EXOC4: variants seen among roughly 807,000 people sequenced by gnomAD.
The protein encoded by EXOC4 is SEC8-like 1.
EXOC4 carries 71 observed loss-of-function variants against 107.2 expected under a neutral mutation model. The ratio of observed to expected loss-of-function variants is 0.66; its 90% CI spans 0.55 to 0.81. The LOEUF (loss-of-function observed/expected upper bound fraction) is 0.81. EXOC4 is among the 30% of genes least tolerant of loss of function. The pLI, the probability that EXOC4 is intolerant of heterozygous loss-of-function variation, is 0.00. For synonymous variants in EXOC4, 456 were observed against 441.2 expected (o/e 1.03, Z -0.42); for missense variants, 1,108 against 1,189.6 (o/e 0.93, Z 1.01).
chr7:133,522,711 G>T (rs6964526), intron 9 of EXOC4, among the ~76,000 whole-genome samples: 4 of 152,208 alleles, frequency 2.6e-5, no homozygotes, highest in East Asian at 1.9e-4. Flanking sequence ...ATTCTTTGTT[G>T]GAAGAGAGGG....
rs112782311 is a variant in EXOC4 at position 133,524,021 on chromosome 7, C to T, written c.1417+43883C>T. On this transcript the variant is annotated intron_variant, in intron 9 of 17. Coordinates refer to ENST00000253861, the MANE Select transcript of EXOC4 (RefSeq NM_021807.4). Reference sequence around the variant, plus strand: ...CTAGATCCCTGAGGAATCGCCACACCGACTTCCACAATGGTTGAACTAGTT... The same window carrying T: ...CTAGATCCCTGAGGAATCGCCACACTGACTTCCACAATGGTTGAACTAGTT... 2.5e-3 allele frequency among the ~76,000 whole-genome samples: 359 copies of T among 146,220 alleles called. 1 individual carries two copies. The highest frequency in any genetic ancestry group is 0.017 in the Middle Eastern group (5 of 290).
Position 133,356,528 on chromosome 7 carries a change from G to A in EXOC4, c.962G>A (p.Ser321Asn). The part of the protein sequence containing the change: ...VKRSTTQVAD[S>N]GYQRGENVTV... ...AGGTCTACAACCCAGGTGGCAGACA[G>A]TGGCTATCAGCGGGGGGAGAACGTT... Residue 321 changes from serine (S) to asparagine (N), a missense_variant, in exon 6 of 18, where the codon AGT becomes AAT. Transcript: ENST00000253861. 1 of 1,614,128 alleles carries A rather than the reference G, an allele frequency of 6.2e-7. No individual in the cohort carries two copies. Among genetic ancestry groups the A allele is most frequent in the East Asian group, 2.2e-5 (1 of 44,876 alleles).
intron 11 of EXOC4, among the ~76,000 whole-genome samples, chr7:133,866,288 C>G (rs1436163419): frequency 1.3e-5 from 2 of 152,180 alleles, no homozygotes; most frequent in Non-Finnish European, 2.9e-5. Flanking sequence ...TCTGTCCCTA[C>G]TACACACTGC....
intron 10 of EXOC4, among the ~76,000 whole-genome samples, chr7:133,669,904 T>G (rs1793908986): frequency 6.6e-6 from 1 of 152,200 alleles, no homozygotes; most frequent in South Asian, 2.1e-4. Context: ...TTTCCACAGT[T>G]ATTTTCTTTA....
intron 10 of EXOC4, among the ~76,000 whole-genome samples, chr7:133,789,674 A>G (rs1044173625): frequency 2.0e-5 from 3 of 152,190 alleles, no homozygotes; most frequent in African/African-American, 7.2e-5. Context: ...TGTTATAATA[A>G]TTGCAGGTTT....
In EXOC4 at chr7:133,397,077, T is replaced by C. The variant is rs554277311; in HGVS notation, c.1182+22075T>C. 2.2e-4 allele frequency among the ~76,000 whole-genome samples: 34 copies of C among 152,250 alleles called. 1 individual carries two copies. In the South Asian group the frequency reaches 7.1e-3, roughly 32 times the overall value. ...GTCCAGACAAAGCCCATCTAGTCATTGTATCTAGGCCTGTCGATATCCTCT... is the reference window on the plus strand; with the variant it reads ...GTCCAGACAAAGCCCATCTAGTCATCGTATCTAGGCCTGTCGATATCCTCT... On this transcript the variant is annotated intron_variant, in intron 7 of 17. Transcript: ENST00000253861.
intron 11 of EXOC4, among the ~76,000 whole-genome samples, chr7:133,834,530 G>A (rs1585185623): frequency 6.6e-6 from 1 of 152,236 alleles, no homozygotes; most frequent in Non-Finnish European, 1.5e-5. Flanking sequence ...TGGCCAAGGA[G>A]GCACCCCTCT....
rs34400471 is a variant in EXOC4 at position 133,961,280 on chromosome 7, C to CTTTTTTT, written c.2206+23229_2206+23235dup. On this transcript the variant is annotated intron_variant, in intron 14 of 17. Coordinates refer to ENST00000253861, the MANE Select transcript of EXOC4 (RefSeq NM_021807.4). ...TTAAACCAATGAGACTCATGTCAAA[C>CTTTTTTT]TTTTTTTTTTTTTTTTTTTTTTTTG... is the stretch of plus-strand genomic sequence containing the variant. 3.5e-3 allele frequency among the ~76,000 whole-genome samples: 267 copies of CTTTTTTT among 77,012 alleles called. 21 individuals are homozygous for CTTTTTTT. Among genetic ancestry groups the CTTTTTTT allele is most frequent in the African/African-American group, 3.9e-3 (72 of 18,348 alleles). 50.5% of individuals were successfully genotyped at this position (77,012 alleles called of 152,430 possible).
At chr7:133,984,822 T>G (rs1398193600) in intron 14 of EXOC4, among the ~76,000 whole-genome samples, 1 of 152,128 alleles carries the variant, frequency 6.6e-6, no homozygotes, top group East Asian at 1.9e-4. Flanking sequence ...TCACAACAAC[T>G]CCCTAAGTTG....
At chr7:133,809,456 C>T (rs1797162543) in intron 10 of EXOC4, among the ~76,000 whole-genome samples, 1 of 152,130 alleles carries the variant, frequency 6.6e-6, no homozygotes, top group Non-Finnish European at 1.5e-5. Context: ...TGAAAGAGTT[C>T]AGATTCATTT....
At chr7:133,732,600 C>T (rs953370145) in intron 10 of EXOC4, 1 of 153,610 alleles carries the variant, frequency 6.5e-6, no homozygotes, top group African/African-American at 2.4e-5. Flanking sequence ...CCATGAAGCC[C>T]CATGCCCTTT....
intron 10 of EXOC4, among the ~76,000 whole-genome samples, chr7:133,810,016 T>C (rs2151205547): frequency 6.6e-6 from 1 of 152,358 alleles, no homozygotes; most frequent in East Asian, 1.9e-4. Flanking sequence ...CAATACTGTG[T>C]TCTTCTTTAT....
At chr7:133,809,732 A>C (rs1029443015) in intron 10 of EXOC4, among the ~76,000 whole-genome samples, 1 of 152,246 alleles carries the variant, frequency 6.6e-6, no homozygotes, top group African/African-American at 2.4e-5. Context: ...AATGATATAC[A>C]GCAAAGTCAG....
intron 4 of EXOC4, among the ~76,000 whole-genome samples, chr7:133,313,781 G>A (rs1794928780): frequency 1.3e-5 from 2 of 152,160 alleles, no homozygotes; most frequent in South Asian, 2.1e-4. Context: ...GGTTACAGTG[G>A]CAGTGGTTGT....
intron 14 of EXOC4, among the ~76,000 whole-genome samples, chr7:133,974,224 G>A (rs1273146235): frequency 6.6e-6 from 1 of 152,160 alleles, no homozygotes; most frequent in East Asian, 1.9e-4. Context: ...CAGGAAACGG[G>A]CATCAAAAGT....
At chr7:133,988,656 T>G (rs1794175832) in intron 14 of EXOC4, among the ~76,000 whole-genome samples, 1 of 152,148 alleles carries the variant, frequency 6.6e-6, no homozygotes, top group Non-Finnish European at 1.5e-5. Context: ...AAAGACTTTC[T>G]GAGCCAGAGA....
At position 133,324,901 on chromosome 7, in the gene EXOC4, G is replaced by A. The variant is rs556114979; in HGVS notation, c.763+7511G>A. On this transcript the variant is annotated intron_variant, in intron 5 of 17. Transcript: ENST00000253861. ...TTATGAATCTGGGTGCTCCTGTATT[G>A]GGTGGATATATGTTTAGGATAGTTA... 1.5e-3 allele frequency among the ~76,000 whole-genome samples: 228 copies of A among 152,286 alleles called. No individual in the cohort carries two copies. In the Middle Eastern group the frequency reaches 0.027, roughly 18 times the overall value.
intron 3 of EXOC4, among the ~76,000 whole-genome samples, chr7:133,298,385 A>G (rs1009957529): frequency 6.6e-6 from 1 of 152,086 alleles, no homozygotes. Context: ...TTAAAAAGAG[A>G]GTTGTTCTGT....
At chr7:133,858,101 A>G (rs1217567397) in intron 11 of EXOC4, among the ~76,000 whole-genome samples, 1 of 152,060 alleles carries the variant, frequency 6.6e-6, no homozygotes, top group Non-Finnish European at 1.5e-5. Context: ...GGAGCATGTC[A>G]TCGTCCGCAG....
Sources: allele counts gnomAD v4.1 joint callset (sites outside exome capture counted in the v4.1 genomes callset), GRCh38; gene constraint gnomAD v4.1.1; transcripts MANE v1.5; gene names NCBI Gene and HGNC (gene_info 2026-07-23, HGNC 2026-07-21).